Variants in DCPS observed in about 807,000 individuals in gnomAD.
DCPS encodes m7GpppX diphosphatase.
Under a neutral mutation model 34.7 loss-of-function variants are expected in DCPS, and 27 were observed. That is an observed-to-expected ratio of 0.78 (90% CI 0.57 to 1.07). The LOEUF (loss-of-function observed/expected upper bound fraction) is 1.07. Ranked by LOEUF, DCPS falls within the 50% of genes least tolerant of loss-of-function variation. The pLI is 0.00. For missense variants in DCPS, 464 were observed against 436.9 expected (o/e 1.06, Z -0.55); for synonymous variants, 185 against 185.7 (o/e 1.00, Z 0.03).
At position 126,331,676 on chromosome 11, in the gene DCPS, G is replaced by T. The variant is rs1483603424; in HGVS notation, c.522+126G>T. The T allele has an allele frequency of 4.9e-6, 6 of 1,226,550 alleles. No homozygotes were observed. In the East Asian group the frequency reaches 1.5e-4, roughly 31 times the overall value. The allele number at this position is 1,226,550 out of a possible 1,614,324, so 76.0% of individuals were successfully genotyped here. On this transcript the variant is annotated intron_variant, in intron 3 of 5. Transcript: ENST00000263579. This position sits in a 1 kb window ranked among gnomAD's most constrained non-coding sequence, Gnocchi z 7.2. ...TGGGCGAGGGGATGGGGGTACAGTAGAGAGCATGGCGGACAGAATCCCCAC... is the reference window on the plus strand; with the variant it reads ...TGGGCGAGGGGATGGGGGTACAGTATAGAGCATGGCGGACAGAATCCCCAC...
rs240549 is a variant in DCPS, at chr11:126,334,492, C to T, written c.522+2942C>T. Among the ~76,000 whole-genome samples the T allele has an allele frequency of 0.24, 37,128 of 151,802 alleles. 4,571 individuals are homozygous for T. The highest frequency in any genetic ancestry group is 0.26 in the Admixed American group (4,025 of 15,254). Reference sequence around the variant, plus strand: ...CCAAGTAGCTGGGATTACAGGCGCCCGCCACTATGCTGGGCTAATTTTTGT... The same window carrying T: ...CCAAGTAGCTGGGATTACAGGCGCCTGCCACTATGCTGGGCTAATTTTTGT... On this transcript the variant is annotated intron_variant, in intron 3 of 5. Transcript: ENST00000263579. The surrounding 1 kb of genome is among the most constrained non-coding windows in gnomAD (Gnocchi z 5.5).
At chr11:126,318,268 C>T (rs1412518883) in intron 2 of DCPS, among the ~76,000 whole-genome samples, 1 of 152,190 alleles carries the variant, frequency 6.6e-6, no homozygotes, top group East Asian at 1.9e-4. Context: ...TGACCACACC[C>T]TTCAGCCGTG....
chr11:126,311,477 AG>A (rs1951618013), intron 2 of DCPS, among the ~76,000 whole-genome samples: 1 of 152,246 alleles, frequency 6.6e-6, no homozygotes, highest in African/African-American at 2.4e-5. Context: ...ACAGCAAACA[AG>A]GAAGCAGATG....
rs1278500693 is a variant in DCPS at position 126,312,101 on chromosome 11, T to G, written c.376+5357T>G. ...ATCCTCCACCATGCCTGGCTAATTT[T>G]TGTGTTTTTAGTAGAGATGGGGTTT... On this transcript the variant is annotated intron_variant, in intron 2 of 5. Coordinates refer to ENST00000263579, the MANE Select transcript of DCPS (RefSeq NM_014026.6). The surrounding 1 kb of genome is among the most constrained non-coding windows in gnomAD (Gnocchi z 5.1). Among the ~76,000 whole-genome samples the G allele has an allele frequency of 6.6e-6, 1 of 151,570 alleles. No individual in the cohort carries two copies. The highest frequency in any genetic ancestry group is 1.5e-5 in the Non-Finnish European group (1 of 67,916).
rs1456048531 is a variant in DCPS at position 126,336,094 on chromosome 11, C to T, written c.523-2192C>T. 3.0e-5 allele frequency among the ~76,000 whole-genome samples: 4 copies of T among 133,260 alleles called. No homozygotes were observed. The highest frequency in any genetic ancestry group is 6.2e-5 in the Non-Finnish European group (4 of 65,002). The allele number at this position is 133,260 out of a possible 152,430, so 87.4% of individuals were successfully genotyped here. A position where few individuals can be genotyped will look rare whatever the true frequency, so the allele number is the denominator to read the frequency against. Reference sequence around the variant, plus strand: ...TCACGCCACTGCACTCTAGTCTGGGCGAAAGAGCAAGACTCCATCTCAAAA... The same window carrying T: ...TCACGCCACTGCACTCTAGTCTGGGTGAAAGAGCAAGACTCCATCTCAAAA... On this transcript the variant is annotated intron_variant, in intron 3 of 5. Transcript: ENST00000263579. This position sits in a 1 kb window ranked among gnomAD's most constrained non-coding sequence, Gnocchi z 6.3.
In DCPS at chr11:126,336,647, C is replaced by T. The variant is rs878923119; in HGVS notation, c.523-1639C>T. The T allele has an allele frequency of 2.6e-5, 4 of 152,252 alleles. No individual in the cohort carries two copies. Among genetic ancestry groups the T allele is most frequent in the Admixed American group, 6.5e-5 (1 of 15,280 alleles). 9.4% of individuals were successfully genotyped at this position (152,252 alleles called of 1,614,324 possible). A position where few individuals can be genotyped will look rare whatever the true frequency, so the allele number is the denominator to read the frequency against. On this transcript the variant is annotated intron_variant, in intron 3 of 5. Transcript: ENST00000263579. The surrounding 1 kb of genome is among the most constrained non-coding windows in gnomAD (Gnocchi z 6.3). ...CGTTGGGGCTGTCTGTAGGGAATGC[C>T]GTCTCCCTCCCTCCCTTGTATTTCC...
Position 126,313,633 on chromosome 11 carries a change from A to C in DCPS, c.376+6889A>C, listed in dbSNP as rs1180343184. 6.6e-6 allele frequency among the ~76,000 whole-genome samples: 1 copy of C among 152,160 alleles called. No individual in the cohort carries two copies. Among genetic ancestry groups the C allele is most frequent in the African/African-American group, 2.4e-5 (1 of 41,442 alleles). ...TGAAAAACAAGCAGAACTGAACAAT[A>C]TACTGCCTAGGGATGCATACATGTG... On this transcript the variant is annotated intron_variant, in intron 2 of 5. Transcript: ENST00000263579. The surrounding 1 kb of genome is among the most constrained non-coding windows in gnomAD (Gnocchi z 4.9).
intron 2 of DCPS, among the ~76,000 whole-genome samples, chr11:126,307,603 G>C (rs919773982): frequency 6.6e-6 from 1 of 152,012 alleles, no homozygotes. Context: ...TAGAGTCAGG[G>C]TTTCCATCAT....
rs1003571890 is a variant in DCPS, at chr11:126,346,964, C to T, written c.*1351C>T. On this transcript the variant is annotated 3_prime_UTR_variant, in exon 6 of 6. Coordinates refer to ENST00000263579, the MANE Select transcript of DCPS (RefSeq NM_014026.6). This position sits in a 1 kb window ranked among gnomAD's most constrained non-coding sequence, Gnocchi z 4.1. The stretch of plus-strand genomic sequence containing the variant: ...AATTAGCCAGGTGTGGTGGTGGGCT[C>T]CTATAATCCCACCTACTTGGGAGGC... Among the ~76,000 whole-genome samples the T allele has an allele frequency of 6.6e-6, 1 of 151,938 alleles. No homozygotes were observed. Among genetic ancestry groups the T allele is most frequent in the Non-Finnish European group, 1.5e-5 (1 of 67,998 alleles).
Position 126,319,759 on chromosome 11 carries a change from G to A in DCPS, c.377-11646G>A, listed in dbSNP as rs559929367. ...AGCACAGGTATCTTAGGAACGGCCC[G>A]AAAGAGGTTGGGCCTTTGGGATACG... On this transcript the variant is annotated intron_variant, in intron 2 of 5. Coordinates refer to ENST00000263579, the MANE Select transcript of DCPS (RefSeq NM_014026.6). This position sits in a 1 kb window ranked among gnomAD's most constrained non-coding sequence, Gnocchi z 4.5. Among the ~76,000 whole-genome samples, 7 of 152,284 alleles carry A rather than the reference G, an allele frequency of 4.6e-5. No individual in the cohort carries two copies. In the East Asian group the frequency reaches 7.7e-4, roughly 17 times the overall value.
At position 126,346,095 on chromosome 11, in the gene DCPS, G is replaced by A. The variant is rs986124194; in HGVS notation, c.*482G>A. Among the ~76,000 whole-genome samples, 9 of 152,280 alleles carry A rather than the reference G, an allele frequency of 5.9e-5. No individual in the cohort carries two copies. The highest frequency in any genetic ancestry group is 2.2e-4 in the African/African-American group (9 of 41,550). Reference sequence around the variant, plus strand: ...CAGGAAATTATCTATACAGGTTTCTGATGGCACTTCCTCCTTCCAGCAGTG... The same window carrying A: ...CAGGAAATTATCTATACAGGTTTCTAATGGCACTTCCTCCTTCCAGCAGTG... On this transcript the variant is annotated 3_prime_UTR_variant, in exon 6 of 6. Coordinates refer to ENST00000263579, the MANE Select transcript of DCPS (RefSeq NM_014026.6). This position sits in a 1 kb window ranked among gnomAD's most constrained non-coding sequence, Gnocchi z 4.1.
intron 1 of DCPS, among the ~76,000 whole-genome samples, chr11:126,305,069 T>TCAGGGA (rs1951552640): frequency 6.6e-6 from 1 of 152,230 alleles, no homozygotes; most frequent in Non-Finnish European, 1.5e-5. Context: ...TGGCCTAGGC[T>TCAGGGA]TCCATGCCTC....
chr11:126,306,723 T>G lies in DCPS; in HGVS notation c.355T>G (p.Phe119Val), dbSNP rs1212630421. The G allele has an allele frequency of 6.2e-7, 1 of 1,601,478 alleles. No individual in the cohort carries two copies. The highest frequency in any genetic ancestry group is 1.7e-5 in the Admixed American group (1 of 59,786). ...SNDIYSTYHL[F>V]PPRQLNDVKT... ...TGATATCTACAGCACCTATCACTTG[T>G]TCCCTCCAAGACAACTGAATGGTGA... Residue 119 changes from phenylalanine (F) to valine (V), a missense_variant, in exon 2 of 6, where the codon TTC (phenylalanine) becomes GTC (valine). Phe to Val is a conservative substitution (Grantham distance 50). Coordinates refer to ENST00000263579, the MANE Select transcript of DCPS (RefSeq NM_014026.6).
rs78202922 is a variant in DCPS at position 126,310,067 on chromosome 11, G to A, written c.376+3323G>A. ...TGTGGTTTGTGAACCAGCAGTATTC[G>A]CACCACCTGGGAGTCTGGTAAAACA... On this transcript the variant is annotated intron_variant, in intron 2 of 5. Transcript: ENST00000263579. 5.1e-3 allele frequency among the ~76,000 whole-genome samples: 774 copies of A among 152,206 alleles called. 9 individuals are homozygous for A. The highest frequency in any genetic ancestry group is 0.017 in the African/African-American group (716 of 41,520).
At chr11:126,308,086 G>A (rs1253386204) in intron 2 of DCPS, among the ~76,000 whole-genome samples, 1 of 152,210 alleles carries the variant, frequency 6.6e-6, no homozygotes, top group Non-Finnish European at 1.5e-5. Context: ...GGGTTAAAAG[G>A]CAGAGATTTG....
chr11:126,323,246 A>C lies in DCPS; in HGVS notation c.377-8159A>C, dbSNP rs911024560. The stretch of plus-strand genomic sequence containing the variant: ...AACTTGAGTTTGTGATTCACAGTTT[A>C]CAAATTTGATAATTCTGTACTGTTA... On this transcript the variant is annotated intron_variant, in intron 2 of 5. Transcript: ENST00000263579. This position sits in a 1 kb window ranked among gnomAD's most constrained non-coding sequence, Gnocchi z 4.4. Among the ~76,000 whole-genome samples the C allele has an allele frequency of 1.3e-5, 2 of 152,220 alleles. No individual in the cohort carries two copies. Among genetic ancestry groups the C allele is most frequent in the African/African-American group, 4.8e-5 (2 of 41,452 alleles).
intron 2 of DCPS, among the ~76,000 whole-genome samples, chr11:126,307,046 C>G (rs1424910804): frequency 2.0e-5 from 3 of 151,990 alleles, no homozygotes; most frequent in Non-Finnish European, 1.5e-5. Flanking sequence ...ACTCAGAAAC[C>G]TGGCCAGGCA....
rs1441274244 is a variant in DCPS at position 126,327,025 on chromosome 11, G to T, written c.377-4380G>T. ...TATACGTAGAATAATGATAACGATG[G>T]ATATAAAAAAGGGTAAAATTATTAA... is the stretch of plus-strand genomic sequence containing the variant. On this transcript the variant is annotated intron_variant, in intron 2 of 5. Coordinates refer to ENST00000263579, the MANE Select transcript of DCPS (RefSeq NM_014026.6). This position sits in a 1 kb window ranked among gnomAD's most constrained non-coding sequence, Gnocchi z 4.1. 1.3e-5 allele frequency among the ~76,000 whole-genome samples: 2 copies of T among 152,170 alleles called. No homozygotes were observed. The highest frequency in any genetic ancestry group is 2.9e-5 in the Non-Finnish European group (2 of 68,040).
intron 4 of DCPS, chr11:126,341,515 G>A (rs962616611): frequency 7.2e-5 from 11 of 152,266 alleles, no homozygotes; most frequent in African/African-American, 2.4e-4. Context: ...CCCAGCACCA[G>A]GCTCCATGCC....
Sources: gnomAD v4.1 joint callset for allele counts (sites outside exome capture counted in the v4.1 genomes callset) on GRCh38, gnomAD v4.1.1 for gene constraint, Gnocchi (gnomAD v3.1) non-coding constraint, MANE v1.5 for transcripts, NCBI Gene and HGNC (gene_info 2026-07-23, HGNC 2026-07-21) for gene names.